Variants in FUZ observed in about 807,000 individuals in gnomAD.
FUZ encodes the protein protein fuzzy homolog.
FUZ carries 31 observed loss-of-function variants against 43.1 expected under a neutral mutation model. The observed-to-expected ratio is 0.72, with a 90% CI of 0.54 to 0.97. The LOEUF is 0.97. Ranked by LOEUF, FUZ falls within the 50% of genes least tolerant of loss-of-function variation. FUZ has a pLI of 0.00. For synonymous variants in FUZ, 274 were observed against 250.0 expected (o/e 1.10, Z -0.91); for missense variants, 539 against 543.8 (o/e 0.99, Z 0.09).
At chr19:49,812,204 A>G (rs980879788) in intron 3 of FUZ, 47 bp downstream of exon 3, 1 of 1,361,120 alleles carries the variant, frequency 7.3e-7, no homozygotes, top group African/African-American at 1.4e-5. Context: ...GGATGCTGAG[A>G]TCTCAGATTC....
chr19:49,813,224 T>C lies in FUZ; in HGVS notation c.-118A>G. ...GCCGCCAGAGGGCGAGATGGGGAGC[T>C]GATTGGAAGAGGATTAACTTCCCGC... On this transcript the variant is annotated 5_prime_UTR_variant, in exon 1 of 11. Transcript: ENST00000313777. 1.1e-6 allele frequency: 1 copy of C among 914,036 alleles called. No homozygotes were observed. The highest frequency in any genetic ancestry group is 2.6e-5 in the East Asian group (1 of 38,122). 56.6% of individuals were successfully genotyped at this position (914,036 alleles called of 1,614,324 possible). A position where few individuals can be genotyped will look rare whatever the true frequency, so the allele number is the denominator to read the frequency against.
At chr19:49,813,295 C>G, upstream of FUZ, 1 of 693,778 alleles carries the variant, frequency 1.4e-6, no homozygotes, top group South Asian at 1.5e-5. Context: ...ATTCAGGCAC[C>G]TCCCCCAAAC....
Position 49,811,715 on chromosome 19 carries a change from A to G in FUZ, c.319-16T>C, listed in dbSNP as rs1317482246. ...CAAGAAGGACCTAGAAGAATCATAT[A>G]GGAGAGGATGGGCGAGGGGCTGGGA... On this transcript the variant is annotated splice_polypyrimidine_tract_variant and intron_variant, in intron 3 of 10. Transcript: ENST00000313777. 6.2e-7 allele frequency: 1 copy of G among 1,607,258 alleles called. No homozygotes were observed. Among genetic ancestry groups the G allele is most frequent in the Non-Finnish European group, 8.5e-7 (1 of 1,173,750 alleles).
At chr19:49,812,441 A>C (rs2305919) in intron 2 of FUZ, 106 bp from the exon 3 acceptor site, 652,637 of 1,323,698 alleles carry the variant, frequency 0.49, 162,760 homozygotes, top group Middle Eastern at 0.63. Context: ...CCTCTCTCAG[A>C]CCAACCTGCC....
chr19:49,812,721 T>C lies in FUZ; in HGVS notation c.127A>G (p.Ile43Val), dbSNP rs760108628. 1.3e-5 allele frequency: 21 copies of C among 1,613,920 alleles called. No individual in the cohort carries two copies. The Admixed American group carries it at 1.7e-4, about 13-fold the overall frequency. Residue 43 changes from isoleucine to valine, a missense_variant, in exon 2 of 11, where the codon ATC (isoleucine) becomes GTC (valine). Physicochemically the swap from Ile to Val is conservative, Grantham distance 29. Coordinates refer to ENST00000313777, the MANE Select transcript of FUZ (RefSeq NM_025129.5). ...PARQQLPFSV[I>V]GSLNGVHMFG... ...ATGTGGACTCCATTGAGGGAACCGA[T>C]GACAGAGAACGGGAGCTAAGGAGGG...
chr19:49,811,514 G>T, intron 4 of FUZ, 47 bp from the exon 5 acceptor site: 1 of 1,591,178 alleles, frequency 6.3e-7, no homozygotes. Flanking sequence ...TGGGCCCAGG[G>T]TCAGACAACC....
chr19:49,810,198 G>T (rs533785978), intron 5 of FUZ, among the ~76,000 whole-genome samples: 1 of 152,258 alleles, frequency 6.6e-6, no homozygotes, highest in South Asian at 2.1e-4. Flanking sequence ...CAGGAAAGGG[G>T]CAGAGCCAGC....
intron 3 of FUZ, 130 bp from the exon 4 acceptor site, chr19:49,811,829 C>G: frequency 1.2e-6 from 1 of 839,390 alleles, no homozygotes; most frequent in Non-Finnish European, 2.0e-6. Flanking sequence ...GGGTTCTGGC[C>G]GGGCGCGGAG....
rs2073617914 is a variant in FUZ, at chr19:49,809,152, C to G, written c.786+11G>C. Reference sequence around the variant, plus strand: ...TCCTAAGAGCGAAAGCGGGACGTGGCGCGGGTTCACCTGTGGATACAACTG... The same window carrying G: ...TCCTAAGAGCGAAAGCGGGACGTGGGGCGGGTTCACCTGTGGATACAACTG... On this transcript the variant is annotated intron_variant, in intron 7 of 10. Coordinates refer to ENST00000313777, the MANE Select transcript of FUZ (RefSeq NM_025129.5). This position sits in a 1 kb window ranked among gnomAD's most constrained non-coding sequence, Gnocchi z 5.1. The G allele has an allele frequency of 6.4e-7, 1 of 1,551,056 alleles. No homozygotes were observed. Among genetic ancestry groups the G allele is most frequent in the East Asian group, 2.4e-5 (1 of 40,994 alleles).
intron 7 of FUZ, 81 bp from the exon 8 acceptor site, chr19:49,808,904 G>A: frequency 2.6e-6 from 3 of 1,156,292 alleles, no homozygotes; most frequent in South Asian, 2.6e-5. Flanking sequence ...CAAGGATAGG[G>A]GCGTGGTCAA....
chr19:49,806,945 G>T lies in FUZ; in HGVS notation c.*206C>A, dbSNP rs917075981. 6.5e-7 allele frequency: 1 copy of T among 1,533,892 alleles called. No individual in the cohort carries two copies. The highest frequency in any genetic ancestry group is 8.7e-7 in the Non-Finnish European group (1 of 1,146,720). On this transcript the variant is annotated 3_prime_UTR_variant, in exon 11 of 11. Coordinates refer to ENST00000313777, the MANE Select transcript of FUZ (RefSeq NM_025129.5). ...TCTGCTGCTGTTTACATTCTGGGGG[G>T]TTAGGGGGAGTCCCCCTCCCTCCCT...
Position 49,809,337 on chromosome 19 carries a change from C to G in FUZ, c.690+41G>C. 6.5e-7 allele frequency: 1 copy of G among 1,546,780 alleles called. No homozygotes were observed. The highest frequency in any genetic ancestry group is 2.0e-5 in the Admixed American group (1 of 50,998). ...GATCCCGCCTCCTCGCGACTCGGCCCCCAGGTCACATCCCTCCGTCGGTGC... is the reference window on the plus strand; with the variant it reads ...GATCCCGCCTCCTCGCGACTCGGCCGCCAGGTCACATCCCTCCGTCGGTGC... On this transcript the variant is annotated intron_variant, in intron 6 of 10. Coordinates refer to ENST00000313777, the MANE Select transcript of FUZ (RefSeq NM_025129.5). The surrounding 1 kb of genome is among the most constrained non-coding windows in gnomAD (Gnocchi z 5.1).
Position 49,809,430 on chromosome 19 carries a change from G to A in FUZ, c.638C>T (p.Pro213Leu), listed in dbSNP as rs776234931. ...CGGGTAGTCGCGAGCGGTCTGCGGC[G>A]GCAGGGACCCCACCAGCCAGGGGAG... is the stretch of plus-strand genomic sequence containing the variant. ...VLLPWLVGSL[P>L]PQTARDYPVY... The change falls in exon 6 of 11, where the codon CCG becomes CTG. Residue 213 changes from proline to leucine, a missense_variant. Pro to Leu is a moderately conservative substitution (Grantham distance 98, BLOSUM62 -3). Transcript: ENST00000313777. The surrounding 1 kb of genome is among the most constrained non-coding windows in gnomAD (Gnocchi z 5.1). 9.7e-6 allele frequency: 15 copies of A among 1,544,306 alleles called. No individual in the cohort carries two copies. The African/African-American group carries it at 1.5e-4, about 15-fold the overall frequency.
Position 49,807,391 on chromosome 19 carries a change from G to T in FUZ, c.1034-17C>A. 6.2e-7 allele frequency: 1 copy of T among 1,603,096 alleles called. No individual in the cohort carries two copies. The highest frequency in any genetic ancestry group is 2.3e-5 in the East Asian group (1 of 44,276). ...GCCCTGGCTCTGGAGAAAGAACAGG[G>T]GGCACTGACATGACAAGTAGCATGC... is the stretch of plus-strand genomic sequence containing the variant. On this transcript the variant is annotated splice_polypyrimidine_tract_variant and intron_variant, in intron 10 of 10. Coordinates refer to ENST00000313777, the MANE Select transcript of FUZ (RefSeq NM_025129.5).
At chr19:49,812,220 C>T (rs1285347254) in intron 3 of FUZ, 31 bp downstream of exon 3, 1 of 1,519,278 alleles carries the variant, frequency 6.6e-7, no homozygotes, top group Non-Finnish European at 9.1e-7. Flanking sequence ...GATTCCTGGT[C>T]TGGGGAGAAA....
chr19:49,813,368 T>G, upstream of FUZ: 1 of 563,746 alleles, frequency 1.8e-6, no homozygotes, highest in Non-Finnish European at 3.2e-6. Context: ...TGGCGGCAAA[T>G]TGAATTTGCA....
rs778140917 is a variant in FUZ at position 49,809,402 on chromosome 19, C to T, written c.666G>A (p.Val222=). 92 of 1,543,776 alleles carry T rather than the reference C, an allele frequency of 6.0e-5. No homozygotes were observed. Among genetic ancestry groups the T allele is most frequent in the Non-Finnish European group, 7.8e-5 (90 of 1,146,822 alleles). The change falls in exon 6 of 11, where the codon GTG becomes GTA. Residue 222 remains valine, a synonymous_variant. Coordinates refer to ENST00000313777, the MANE Select transcript of FUZ (RefSeq NM_025129.5). The surrounding 1 kb of genome is among the most constrained non-coding windows in gnomAD (Gnocchi z 5.1). ...CCGTGGGGCTCCCGTGCGGCAGGTA[C>T]ACCGGGTAGTCGCGAGCGGTCTGCG... ...LPPQTARDYP[V]YLPHGSPTVP...
In FUZ at chr19:49,811,692, A is replaced by G. The variant is rs762635546; in HGVS notation, c.326T>C (p.Leu109Pro). The G allele has an allele frequency of 1.9e-6, 3 of 1,613,506 alleles. No individual in the cohort carries two copies. The highest frequency in any genetic ancestry group is 1.6e-4 in the Middle Eastern group (1 of 6,084). ...ATTGGTCAGTTCTTCAAGTCCCACA[A>G]GAAGGACCTAGAAGAATCATATAGG... Reference protein sequence around the residue: ...LQMVFGAMVLLVGLEELTNIR... With the variant: ...LQMVFGAMVLPVGLEELTNIR... Residue 109 changes from leucine to proline, a missense_variant, in exon 4 of 11, where the codon CTT becomes CCT. By Grantham distance (98) the Leu-to-Pro change is moderately conservative. Transcript: ENST00000313777.
In FUZ at chr19:49,812,386, G is replaced by A. The variant is rs765641219; in HGVS notation, c.234-51C>T. The stretch of plus-strand genomic sequence containing the variant: ...AGTCAAGGCCTGGGGAATCAGGAAG[G>A]GGTATGTTGGAGTCCGCCCATTGAT... On this transcript the variant is annotated intron_variant, in intron 2 of 10. Coordinates refer to ENST00000313777, the MANE Select transcript of FUZ (RefSeq NM_025129.5). 7.9e-6 allele frequency: 12 copies of A among 1,514,450 alleles called. No individual in the cohort carries two copies. In the East Asian group the frequency reaches 2.5e-4, roughly 31 times the overall value. 93.8% of individuals were successfully genotyped at this position (1,514,450 alleles called of 1,614,324 possible).
Sources: allele counts gnomAD v4.1 joint callset (sites outside exome capture counted in the v4.1 genomes callset), GRCh38; gene constraint gnomAD v4.1.1; non-coding constraint Gnocchi (gnomAD v3.1); transcripts MANE v1.5; gene names NCBI Gene and HGNC (gene_info 2026-07-23, HGNC 2026-07-21).